Variants in CUX2 observed in about 807,000 individuals in gnomAD.
CUX2 encodes the protein homeobox protein cut-like 2.
A neutral mutation model predicts 144.8 loss-of-function variants in CUX2; 40 were observed. The ratio of observed to expected loss-of-function variants is 0.28; its 90% CI spans 0.21 to 0.36. The LOEUF is 0.36. Ranked by LOEUF, CUX2 falls within the 10% of genes least tolerant of loss-of-function variation. The pLI is 1.00. For missense variants in CUX2, 1,615 were observed against 1,994.0 expected, an observed-to-expected ratio of 0.81 and a Z score of 3.62; for synonymous variants, 827 against 875.6, an observed-to-expected ratio of 0.94 and a Z score of 0.98.
intron 1 of CUX2, among the ~76,000 whole-genome samples, chr12:111,198,438 G>T (rs1319829368): frequency 6.7e-6 from 1 of 149,700 alleles, no homozygotes; most frequent in Non-Finnish European, 1.5e-5. Context: ...TTGTGCCACT[G>T]CACTCCAACC....
At chr12:111,242,381 G>A (rs967367809) in intron 3 of CUX2, among the ~76,000 whole-genome samples, 4 of 152,336 alleles carry the variant, frequency 2.6e-5, no homozygotes, top group South Asian at 2.1e-4. Flanking sequence ...ATGCACATTC[G>A]TTCACATATT....
rs923349660 is a variant in CUX2, at chr12:111,253,599, C to G, written c.223-10162C>G. ...TTTATTTCATTGCTCGCCTCTGCCT[C>G]TAAACATGTCAGCTCCACAGAGGTA... On this transcript the variant is annotated intron_variant, in intron 3 of 21. Transcript: ENST00000261726. Among the ~76,000 whole-genome samples the G allele has an allele frequency of 2.0e-5, 3 of 152,176 alleles. 1 individual carries two copies. Among genetic ancestry groups the G allele is most frequent in the Admixed American group, 2.0e-4 (3 of 15,282 alleles).
chr12:111,074,901 C>T (rs1305417084), intron 1 of CUX2, among the ~76,000 whole-genome samples: 1 of 150,588 alleles, frequency 6.6e-6, no homozygotes, highest in Non-Finnish European at 1.5e-5. Context: ...CTCGAGACCC[C>T]ACCATCTAGC....
chr12:111,042,953 G>C (rs1020914685), intron 1 of CUX2, among the ~76,000 whole-genome samples: 4 of 152,112 alleles, frequency 2.6e-5, no homozygotes, highest in African/African-American at 9.7e-5. Flanking sequence ...AGGATTAAGT[G>C]AGTTAATGCA....
At chr12:111,138,134 G>A (rs947580711) in intron 1 of CUX2, among the ~76,000 whole-genome samples, 4 of 152,338 alleles carry the variant, frequency 2.6e-5, no homozygotes, top group African/African-American at 7.2e-5. Flanking sequence ...CAGGCTGGCC[G>A]AGGGGAGGGG....
chr12:111,348,056 C>T lies in CUX2; in HGVS notation c.4192C>T (p.Pro1398Ser), dbSNP rs551303202. The T allele has an allele frequency of 6.2e-7, 1 of 1,614,110 alleles. No individual in the cohort carries two copies. The highest frequency in any genetic ancestry group is 1.3e-5 in the African/African-American group (1 of 75,012). The change falls in exon 22 of 22, where the codon CCC (proline) becomes TCC (serine). Residue 1398 changes from proline to serine, a missense_variant. Coordinates refer to ENST00000261726, the MANE Select transcript of CUX2 (RefSeq NM_015267.4). ...CAGCCTGGAGGTGTCACTGAACTCG[C>T]CCTCGGCCGCCTCCTCACCAGGCCT... Reference protein sequence around the residue: ...RCSLEVSLNSPSAASSPGLMM... With the variant: ...RCSLEVSLNSSSAASSPGLMM...
intron 1 of CUX2, among the ~76,000 whole-genome samples, chr12:111,118,097 G>C (rs1874408961): frequency 6.6e-6 from 1 of 152,052 alleles, no homozygotes; most frequent in Non-Finnish European, 1.5e-5. Flanking sequence ...CCCAACTCTT[G>C]GCCTCTGATA....
intron 2 of CUX2, among the ~76,000 whole-genome samples, chr12:111,214,658 G>A (rs187314654): frequency 5.9e-5 from 9 of 152,194 alleles, no homozygotes; most frequent in African/African-American, 1.4e-4. Context: ...TCCCGTTGGC[G>A]TCTGGAAGAA....
intron 4 of CUX2, among the ~76,000 whole-genome samples, chr12:111,285,688 AGTGCCTC>A (rs1885344279): frequency 6.6e-6 from 1 of 152,222 alleles, no homozygotes; most frequent in Admixed American, 6.5e-5. Context: ...ACTTCACCCC[AGTGCCTC>A]CATTTTTCCG....
Position 111,304,233 on chromosome 12 carries a change from G to A in CUX2, c.777G>A (p.Glu259=), listed in dbSNP as rs758953555. 3 of 1,613,806 alleles carry A rather than the reference G, an allele frequency of 1.9e-6. No individual in the cohort carries two copies. Among genetic ancestry groups the A allele is most frequent in the Non-Finnish European group, 2.5e-6 (3 of 1,179,886 alleles). The part of the protein sequence containing the change: ...ANQRAEAAQR[E]VESLREQLAS... ...AGCGAGCTGAGGCTGCCCAGCGGGA[G>A]GTGGAAAGTCTCCGGGAACAGCTGG... is the stretch of plus-strand genomic sequence containing the variant. Residue 259 remains glutamate, a synonymous_variant, in exon 10 of 22, where the codon GAG becomes GAA. Transcript: ENST00000261726. This position sits in a 1 kb window ranked among gnomAD's most constrained non-coding sequence, Gnocchi z 4.7.
intron 1 of CUX2, among the ~76,000 whole-genome samples, chr12:111,122,123 AG>A (rs1267461537): frequency 1.3e-5 from 2 of 152,312 alleles, no homozygotes; most frequent in African/African-American, 4.8e-5. Flanking sequence ...ACTGCCAAAA[AG>A]CCTTTCACGA....
chr12:111,295,373 G>T lies in CUX2; in HGVS notation c.601G>T (p.Gly201Trp). ...ACAGATCACTTTGGCGGCCAGACTG[G>T]GGGAGGCAGAGGAGAAAATCAAAGT... is the stretch of plus-strand genomic sequence containing the variant. The part of the protein sequence containing the change: ...EVQITLAARL[G>W]EAEEKIKVLH... Residue 201 changes from glycine to tryptophan, a missense_variant, in exon 7 of 22, where the codon GGG becomes TGG. By Grantham distance (184) the Gly-to-Trp change is radical. Transcript: ENST00000261726. This position sits in a 1 kb window ranked among gnomAD's most constrained non-coding sequence, Gnocchi z 5.0. 6.2e-7 allele frequency: 1 copy of T among 1,612,866 alleles called. No individual in the cohort carries two copies. Among genetic ancestry groups the T allele is most frequent in the Non-Finnish European group, 8.5e-7 (1 of 1,179,498 alleles).
intron 3 of CUX2, among the ~76,000 whole-genome samples, chr12:111,224,577 G>A (rs918996541): frequency 2.1e-5 from 3 of 143,590 alleles, no homozygotes; most frequent in Non-Finnish European, 4.5e-5. Context: ...GTCTTTGATG[G>A]CATAATTCTC....
chr12:111,249,612 A>G (rs1035144860), intron 3 of CUX2, among the ~76,000 whole-genome samples: 2 of 151,600 alleles, frequency 1.3e-5, no homozygotes, highest in African/African-American at 4.8e-5. Context: ...ACGCGACACC[A>G]TGCCCAGCTA....
At chr12:111,272,926 G>T (rs1884699655) in intron 4 of CUX2, among the ~76,000 whole-genome samples, 1 of 152,212 alleles carries the variant, frequency 6.6e-6, no homozygotes, top group Non-Finnish European at 1.5e-5. Context: ...CATCCAGCCG[G>T]GTGCTGCTGC....
intron 1 of CUX2, among the ~76,000 whole-genome samples, chr12:111,115,216 C>T (rs945164933): frequency 2.6e-5 from 4 of 151,518 alleles, no homozygotes; most frequent in South Asian, 2.1e-4. Flanking sequence ...AACAAGCAAA[C>T]CTGCTGGTAT....
intron 4 of CUX2, among the ~76,000 whole-genome samples, chr12:111,281,984 G>A (rs1885133303): frequency 6.6e-6 from 1 of 152,120 alleles, no homozygotes; most frequent in Admixed American, 6.5e-5. Flanking sequence ...GGGTGGTGGG[G>A]AGTTTCAGAG....
At chr12:111,062,943 T>C (rs1181591268) in intron 1 of CUX2, among the ~76,000 whole-genome samples, 1 of 152,038 alleles carries the variant, frequency 6.6e-6, no homozygotes, top group Non-Finnish European at 1.5e-5. Flanking sequence ...AGGATGTGTC[T>C]GAGAAGCAGG....
chr12:111,093,232 C>T (rs1872638329), intron 1 of CUX2, among the ~76,000 whole-genome samples: 1 of 152,188 alleles, frequency 6.6e-6, no homozygotes, highest in Non-Finnish European at 1.5e-5. Context: ...TCCCCTGTAC[C>T]TCAGTTTCCC....
Sources: allele counts gnomAD v4.1 joint callset (sites outside exome capture counted in the v4.1 genomes callset), GRCh38; gene constraint gnomAD v4.1.1; non-coding constraint Gnocchi (gnomAD v3.1); transcripts MANE v1.5; gene names NCBI Gene and HGNC (gene_info 2026-07-23, HGNC 2026-07-21).